LINGO2: variants seen among roughly 807,000 people sequenced by gnomAD.
LINGO2 encodes leucine-rich repeat and immunoglobulin-like domain-containing nogo receptor-interacting protein 2.
Under a neutral mutation model 30.6 loss-of-function variants are expected in LINGO2, and 14 were observed. The ratio of observed to expected loss-of-function variants is 0.46; its 90% confidence interval spans 0.30 to 0.72. LINGO2 has a LOEUF of 0.72. LINGO2 is among the 30% of genes least tolerant of loss of function. LINGO2 has a pLI of 0.07. For missense variants in LINGO2, 729 were observed against 751.7 expected, an observed-to-expected ratio of 0.97 and a Z score of 0.35; for synonymous variants, 317 against 288.5, an observed-to-expected ratio of 1.10 and a Z score of -1.00.
intron 3 of LINGO2, among the ~76,000 whole-genome samples, chr9:28,355,761 C>T (rs995379929): frequency 2.6e-5 from 4 of 152,130 alleles, no homozygotes; most frequent in Admixed American, 2.0e-4. Flanking sequence ...GTACGTAATA[C>T]TCACACTGTA....
intron 1 of LINGO2, among the ~76,000 whole-genome samples, chr9:28,644,493 C>G (rs1049772308): frequency 1.3e-5 from 2 of 150,288 alleles, no homozygotes; most frequent in African/African-American, 4.9e-5. Flanking sequence ...AACTCATATA[C>G]ATATAGAGTG....
At chr9:29,053,401 A>G in the LINGO2 span, among the ~76,000 whole-genome samples, 4 of 152,186 alleles carry the variant, frequency 2.6e-5, no homozygotes, top group Non-Finnish European at 2.9e-5. Flanking sequence ...TCATTGTTCA[A>G]TTCCCACCTA....
chr9:28,593,617 C>T (rs16913361), intron 1 of LINGO2, among the ~76,000 whole-genome samples: 25,489 of 152,022 alleles, frequency 0.17, 2,475 homozygotes, highest in Admixed American at 0.28. Flanking sequence ...ATATTTAAAA[C>T]TTCTCTGCAA....
intron 5 of LINGO2, among the ~76,000 whole-genome samples, chr9:28,009,306 T>C (rs529560319): frequency 3.1e-4 from 47 of 151,400 alleles, no homozygotes; most frequent in East Asian, 7.8e-4. Context: ...TACATCTTCA[T>C]GATCCTGGGT....
intron 4 of LINGO2, among the ~76,000 whole-genome samples, chr9:28,117,772 C>G (rs892958135): frequency 1.3e-5 from 2 of 149,128 alleles, no homozygotes; most frequent in Non-Finnish European, 3.0e-5. Flanking sequence ...CTTCGGCTCG[C>G]GGACGGTGCG....
chr9:28,300,513 T>A (rs1025986966), intron 3 of LINGO2, among the ~76,000 whole-genome samples: 13 of 152,158 alleles, frequency 8.5e-5, no homozygotes, highest in African/African-American at 2.9e-4. Flanking sequence ...CTTGTTTTCA[T>A]TTTCTCAAAA....
intron 4 of LINGO2, among the ~76,000 whole-genome samples, chr9:28,032,043 G>T (rs1032306235): frequency 4.9e-5 from 5 of 101,178 alleles, no homozygotes; most frequent in South Asian, 3.8e-4. Context: ...ATGAGGGGTG[G>T]GGGGGGAAAG....
At chr9:28,489,668 G>A (rs1826310066) in intron 1 of LINGO2, among the ~76,000 whole-genome samples, 2 of 151,878 alleles carry the variant, frequency 1.3e-5, no homozygotes, top group South Asian at 4.2e-4. Context: ...GGAGGCCGAG[G>A]CAGGCAGATT....
intron 3 of LINGO2, among the ~76,000 whole-genome samples, chr9:28,317,638 G>A (rs376249633): frequency 0.031 from 4,757 of 152,162 alleles, 145 homozygotes; most frequent in South Asian, 0.095. Flanking sequence ...TGAAAAAACA[G>A]AGTGTTAAAA....
chr9:27,986,652 C>T (rs1322570627), intron 5 of LINGO2, among the ~76,000 whole-genome samples: 8 of 151,980 alleles, frequency 5.3e-5, no homozygotes, highest in Admixed American at 5.2e-4. Flanking sequence ...AAGGTAGGTG[C>T]AAACAGATCA....
At chr9:28,632,843 CTA>C (rs201755222) in intron 1 of LINGO2, among the ~76,000 whole-genome samples, 20,172 of 76,746 alleles carry the variant, frequency 0.26, 2,130 homozygotes, top group Admixed American at 0.38. Flanking sequence ...ATATATAAAT[CTA>C]TATATATTTT....
chr9:28,007,064 CT>C (rs1388466040), intron 5 of LINGO2, among the ~76,000 whole-genome samples: 3 of 152,116 alleles, frequency 2.0e-5, no homozygotes, highest in Non-Finnish European at 4.4e-5. Flanking sequence ...TGTTAGTTTG[CT>C]TTTAAGCTGT....
the LINGO2 span, among the ~76,000 whole-genome samples, chr9:28,883,628 G>GTGTGTATGTATATA: frequency 0.088 from 5,596 of 63,878 alleles, 1,391 homozygotes; most frequent in Admixed American, 0.14. Context: ...ATGTGTGTGT[G>GTGTGTATGTATATA]TATATATATA....
At chr9:28,860,260 T>G in the LINGO2 span, among the ~76,000 whole-genome samples, 12 of 152,238 alleles carry the variant, frequency 7.9e-5, no homozygotes, top group South Asian at 2.5e-3. Flanking sequence ...GGTCAGACAT[T>G]ATGCTAGATA....
the LINGO2 span, among the ~76,000 whole-genome samples, chr9:29,128,781 G>A: frequency 6.6e-6 from 1 of 152,118 alleles, no homozygotes; most frequent in Non-Finnish European, 1.5e-5. Flanking sequence ...TTGGATCTTT[G>A]TTTGTGTGTG....
At chr9:29,137,237 T>C in the LINGO2 span, among the ~76,000 whole-genome samples, 3 of 152,128 alleles carry the variant, frequency 2.0e-5, no homozygotes, top group Non-Finnish European at 2.9e-5. Context: ...AGTAGGGACT[T>C]TTCCCCTTTG....
chr9:29,073,503 T>C, the LINGO2 span, among the ~76,000 whole-genome samples: 1 of 152,138 alleles, frequency 6.6e-6, no homozygotes, highest in Non-Finnish European at 1.5e-5. Context: ...TTTAAATGGT[T>C]AAAAGAATTA....
At chr9:28,862,500 G>A in the LINGO2 span, among the ~76,000 whole-genome samples, 4 of 151,808 alleles carry the variant, frequency 2.6e-5, no homozygotes, top group Non-Finnish European at 5.9e-5. Context: ...CTAACAGAAG[G>A]GCTTAAAAAT....
the LINGO2 span, among the ~76,000 whole-genome samples, chr9:28,998,754 C>T: frequency 1.3e-5 from 2 of 151,912 alleles, no homozygotes; most frequent in South Asian, 2.1e-4. Flanking sequence ...CAGTTAAAGG[C>T]CTCTTAGTTA....
Sources: gnomAD v4.1 joint callset for allele counts (sites outside exome capture counted in the v4.1 genomes callset) on GRCh38, gnomAD v4.1.1 for gene constraint, MANE v1.5 for transcripts, NCBI Gene and HGNC (gene_info 2026-07-23, HGNC 2026-07-21) for gene names.